The following ERICH3 variants were observed in gnomAD, a reference collection of about 807,000 sequenced individuals.
ERICH3 encodes the protein glutamate rich 3.
Under a neutral mutation model 131.1 loss-of-function variants are expected in ERICH3, and 126 were observed. That is an observed-to-expected ratio of 0.96 (90% CI 0.83 to 1.11). The LOEUF (loss-of-function observed/expected upper bound fraction) is 1.11. ERICH3 is among the 50% of genes most tolerant of loss of function. The probability of loss-of-function intolerance (pLI) is 0.00; values close to 1 mark genes in which losing one functional copy is unlikely to be tolerated. For synonymous variants in ERICH3, 695 were observed against 644.6 expected (o/e 1.08, Z -1.18); for missense variants, 2,050 against 1,810.7 (o/e 1.13, Z -2.40).
chr1:74,600,039 T>C, intron 10 of ERICH3, 108 bp from the exon 11 acceptor site: 1 of 753,248 alleles, frequency 1.3e-6, no homozygotes, highest in Non-Finnish European at 2.1e-6. Flanking sequence ...TCTCTGAGCC[T>C]TTCTTTGCTT....
At chr1:74,667,678 G>A (rs1038403669) in intron 1 of ERICH3, among the ~76,000 whole-genome samples, 10 of 152,104 alleles carry the variant, frequency 6.6e-5, no homozygotes, top group African/African-American at 2.4e-4. Context: ...ACCTAGCATG[G>A]ATTTATTAAT....
chr1:74,646,737 T>C lies in ERICH3; in HGVS notation c.173A>G (p.Lys58Arg), dbSNP rs1314596267. 1.3e-6 allele frequency: 2 copies of C among 1,504,528 alleles called. No individual in the cohort carries two copies. The highest frequency in any genetic ancestry group is 2.0e-5 in the Admixed American group (1 of 50,960). 93.2% of individuals were successfully genotyped at this position (1,504,528 alleles called of 1,614,324 possible). The change falls in exon 3 of 15, where the codon AAG (lysine) becomes AGG (arginine). Residue 58 changes from lysine to arginine, a missense_variant. By Grantham distance (26) the Lys-to-Arg change is conservative. Coordinates refer to ENST00000326665, the MANE Select transcript of ERICH3 (RefSeq NM_001002912.5). ...CCGGATATATTTTTGATGATCCCGC[T>C]TCATCATATTTAGTTTATATTCTTT... is the stretch of plus-strand genomic sequence containing the variant. ...SEKEYKLNMM[K>R]RDHQKYIREC...
At chr1:74,599,583 A>C (rs1239757394) in intron 11 of ERICH3, 112 bp downstream of exon 11, 30 of 939,020 alleles carry the variant, frequency 3.2e-5, no homozygotes, top group African/African-American at 5.0e-5. Flanking sequence ...AAGTTAGAAA[A>C]CATACATTCA....
rs145088573 is a variant in ERICH3, at chr1:74,656,511, C to T, written c.24-7196G>A. ...TGAGCCCTTGCCCTCGACTTGAGTT[C>T]CAAATCTAATTCTACCCCTTATAAG... On this transcript the variant is annotated intron_variant, in intron 1 of 14. Transcript: ENST00000326665. Among the ~76,000 whole-genome samples the T allele has an allele frequency of 4.6e-5, 7 of 152,244 alleles. No individual in the cohort carries two copies. The East Asian group carries it at 1.4e-3, about 30-fold the overall frequency.
At chr1:74,588,180 C>T (rs1647421741) in intron 12 of ERICH3, among the ~76,000 whole-genome samples, 1 of 152,196 alleles carries the variant, frequency 6.6e-6, no homozygotes, top group Non-Finnish European at 1.5e-5. Context: ...TCCTGTATCC[C>T]ACCTTCAAAA....
At chr1:74,661,598 GGA>G in intron 1 of ERICH3, among the ~76,000 whole-genome samples, 1 of 152,074 alleles carries the variant, frequency 6.6e-6, no homozygotes, top group South Asian at 2.1e-4. Flanking sequence ...AATTAGCTTG[GGA>G]CATGTCTGCT....
intron 6 of ERICH3, among the ~76,000 whole-genome samples, chr1:74,632,633 G>T (rs927585376): frequency 2.0e-5 from 3 of 151,756 alleles, no homozygotes; most frequent in African/African-American, 7.3e-5. Context: ...TCCATCAATA[G>T]GAAGATGTTT....
chr1:74,624,246 C>T (rs999253684), intron 7 of ERICH3: 1 of 152,082 alleles, frequency 6.6e-6, no homozygotes, highest in African/African-American at 2.4e-5. Context: ...CTTGTTAAAC[C>T]AAACACCAAT....
intron 11 of ERICH3, among the ~76,000 whole-genome samples, chr1:74,595,258 A>G (rs780698746): frequency 6.6e-6 from 1 of 152,156 alleles, no homozygotes. Flanking sequence ...ATAGCTAATT[A>G]GACAAGTGCT....
At position 74,579,880 on chromosome 1, in the gene ERICH3, T is replaced by C. The variant is rs555778078; in HGVS notation, c.2177-2944A>G. 5 of 985,150 alleles carry C rather than the reference T, an allele frequency of 5.1e-6. No homozygotes were observed. In the African/African-American group the frequency reaches 8.7e-5, roughly 17 times the overall value. The allele number at this position is 985,150 out of a possible 1,614,324, so 61.0% of individuals were successfully genotyped here. A position where few individuals can be genotyped will look rare whatever the true frequency, so the allele number is the denominator to read the frequency against. On this transcript the variant is annotated intron_variant, in intron 12 of 14. Transcript: ENST00000326665. ...TCACAGCATTAGTTGCCAAATGGAATTGTCACACACAGAAAATTTCTTAGA... is the reference window on the plus strand; with the variant it reads ...TCACAGCATTAGTTGCCAAATGGAACTGTCACACACAGAAAATTTCTTAGA...
intron 11 of ERICH3, among the ~76,000 whole-genome samples, chr1:74,595,671 A>G (rs1262313709): frequency 4.6e-5 from 7 of 152,086 alleles, no homozygotes; most frequent in African/African-American, 1.2e-4. Context: ...CTGAGTGTCT[A>G]TGTAATGCCT....
chr1:74,657,212 C>G (rs1171835836), intron 1 of ERICH3, among the ~76,000 whole-genome samples: 1 of 151,996 alleles, frequency 6.6e-6, no homozygotes, highest in East Asian at 1.9e-4. Context: ...TAACAATTTT[C>G]TTTTTGTTAT....
chr1:74,593,831 G>C (rs1647718876), intron 11 of ERICH3, among the ~76,000 whole-genome samples: 1 of 152,086 alleles, frequency 6.6e-6, no homozygotes, highest in African/African-American at 2.4e-5. Context: ...GCAAGTTTTT[G>C]TAAATGCTTC....
At chr1:74,630,439 T>A (rs1321406908) in intron 7 of ERICH3, among the ~76,000 whole-genome samples, 1 of 152,166 alleles carries the variant, frequency 6.6e-6, no homozygotes, top group East Asian at 1.9e-4. Context: ...TTAAAAGCAT[T>A]CTGTGGTTCT....
At chr1:74,671,418 C>T (rs1045223752) in intron 1 of ERICH3, among the ~76,000 whole-genome samples, 7 of 152,196 alleles carry the variant, frequency 4.6e-5, no homozygotes, top group East Asian at 1.9e-4. Flanking sequence ...CCTTTTGAAA[C>T]CCTTAATAAA....
intron 5 of ERICH3, among the ~76,000 whole-genome samples, chr1:74,638,971 A>G (rs934808885): frequency 6.6e-5 from 10 of 152,142 alleles, no homozygotes; most frequent in Admixed American, 6.6e-4. Flanking sequence ...TGTTTATGCC[A>G]ATGTTATTAT....
At chr1:74,601,075 A>G (rs549627926) in intron 10 of ERICH3, among the ~76,000 whole-genome samples, 1 of 152,016 alleles carries the variant, frequency 6.6e-6, no homozygotes, top group Non-Finnish European at 1.5e-5. Flanking sequence ...AAAATTAGAT[A>G]ATCACAAAAA....
At chr1:74,661,358 A>C (rs1472446512) in intron 1 of ERICH3, among the ~76,000 whole-genome samples, 3 of 152,280 alleles carry the variant, frequency 2.0e-5, no homozygotes, top group Middle Eastern at 3.4e-3. Context: ...AGAGAGGTAC[A>C]AATGTTCTGG....
At chr1:74,656,760 G>A (rs952547781) in intron 1 of ERICH3, among the ~76,000 whole-genome samples, 7 of 152,182 alleles carry the variant, frequency 4.6e-5, no homozygotes, top group Admixed American at 2.6e-4. Flanking sequence ...TCTAAAAGTA[G>A]GGAGGGTTCA....
Sources: gnomAD v4.1 joint callset for allele counts (sites outside exome capture counted in the v4.1 genomes callset) on GRCh38, gnomAD v4.1.1 for gene constraint, MANE v1.5 for transcripts, NCBI Gene and HGNC (gene_info 2026-07-23, HGNC 2026-07-21) for gene names.